CTTNBP2: variants seen among roughly 807,000 people sequenced by gnomAD.
The protein encoded by CTTNBP2 is cortactin-binding protein 2.
CTTNBP2 carries 108 observed loss-of-function variants against 156.9 expected under a neutral mutation model. That is an observed-to-expected ratio of 0.69 (90% confidence interval 0.59 to 0.81). The LOEUF is 0.81. CTTNBP2 is among the 30% of genes least tolerant of loss of function. The pLI, the probability that CTTNBP2 is intolerant of heterozygous loss-of-function variation, is 0.00. For missense variants in CTTNBP2, 1,924 were observed against 2,035.4 expected, an observed-to-expected ratio of 0.95 and a Z score of 1.05; for synonymous variants, 767 against 751.8, an observed-to-expected ratio of 1.02 and a Z score of -0.33.
At chr7:117,801,367 C>T (rs1236601342) in intron 3 of CTTNBP2, among the ~76,000 whole-genome samples, 3 of 152,148 alleles carry the variant, frequency 2.0e-5, no homozygotes, top group African/African-American at 2.4e-5. Flanking sequence ...AATTGAGTGA[C>T]GTTTTACAAA....
intron 2 of CTTNBP2, among the ~76,000 whole-genome samples, chr7:117,829,863 C>T (rs747473371): frequency 2.0e-5 from 3 of 152,174 alleles, no homozygotes; most frequent in Non-Finnish European, 4.4e-5. Flanking sequence ...TAGAAGAGCC[C>T]TCTAAAATAA....
intron 2 of CTTNBP2, among the ~76,000 whole-genome samples, chr7:117,833,629 G>A (rs976650437): frequency 3.3e-5 from 5 of 152,090 alleles, no homozygotes; most frequent in Admixed American, 3.3e-4. Flanking sequence ...ACTATATGTT[G>A]TACGTAGATC....
intron 1 of CTTNBP2, among the ~76,000 whole-genome samples, chr7:117,862,708 A>G (rs1041786815): frequency 6.6e-6 from 1 of 152,224 alleles, no homozygotes; most frequent in Non-Finnish European, 1.5e-5. Flanking sequence ...CGCCCTCAGA[A>G]GCCATTGTTC....
At position 117,864,725 on chromosome 7, in the gene CTTNBP2, C is replaced by CATATATTCATATATATTCATTCAAT. The variant is rs71150638; in HGVS notation, c.82-3434_82-3410dup. Among the ~76,000 whole-genome samples, 242 of 90,998 alleles carry CATATATTCATATATATTCATTCAAT rather than the reference C, an allele frequency of 2.7e-3. 27 individuals carry two copies. Among genetic ancestry groups the CATATATTCATATATATTCATTCAAT allele is most frequent in the Non-Finnish European group, 4.0e-3 (157 of 39,568 alleles). The allele number at this position is 90,998 out of a possible 152,430, so 59.7% of individuals were successfully genotyped here. On this transcript the variant is annotated intron_variant, in intron 1 of 22. Transcript: ENST00000160373. ...ATATATTCATATATATTCATATATA[C>CATATATTCATATATATTCATTCAAT]ATATATTCATATATATTCATTCAAT...
Position 117,792,088 on chromosome 7 carries a change from C to G in CTTNBP2, c.1108G>C (p.Val370Leu). 1 of 1,614,082 alleles carries G rather than the reference C, an allele frequency of 6.2e-7. No individual in the cohort carries two copies. Among genetic ancestry groups the G allele is most frequent in the East Asian group, 2.2e-5 (1 of 44,866 alleles). ...ASYGDLIGAS[V>L]PAFPPPSANK... ...GCACTTGGAGGTGGGAAAGCGGGTA[C>G]AGAAGCGCCAATCAAGTCACCATAG... The change falls in exon 4 of 23, where the codon GTA (valine) becomes CTA (leucine). Residue 370 changes from valine (V) to leucine (L), a missense_variant. Val to Leu is a conservative substitution (Grantham distance 32, BLOSUM62 1). Coordinates refer to ENST00000160373, the MANE Select transcript of CTTNBP2 (RefSeq NM_033427.3). The surrounding 1 kb of genome is among the most constrained non-coding windows in gnomAD (Gnocchi z 4.2).
chr7:117,739,741 C>T (rs1021897341), intron 14 of CTTNBP2, among the ~76,000 whole-genome samples: 10 of 152,168 alleles, frequency 6.6e-5, no homozygotes, highest in South Asian at 2.1e-4. Context: ...CCTTAAACCC[C>T]GGCTCTGGAG....
intron 3 of CTTNBP2, among the ~76,000 whole-genome samples, chr7:117,803,261 G>A (rs1440247715): frequency 1.3e-5 from 2 of 152,098 alleles, no homozygotes; most frequent in Admixed American, 1.3e-4. Flanking sequence ...TGCAGATGGA[G>A]GTCATTATTC....
intron 20 of CTTNBP2, 102 bp downstream of exon 20, chr7:117,720,965 A>G (rs1794756922): frequency 3.7e-6 from 3 of 812,464 alleles, no homozygotes; most frequent in Non-Finnish European, 6.4e-6. Context: ...CCATATTAAC[A>G]TAATAGTCAT....
At chr7:117,775,831 C>T (rs1049383180) in intron 8 of CTTNBP2, among the ~76,000 whole-genome samples, 1 of 152,150 alleles carries the variant, frequency 6.6e-6, no homozygotes, top group Non-Finnish European at 1.5e-5. Flanking sequence ...GCATTCCATT[C>T]AAATCATACA....
chr7:117,774,141 A>G (rs1797969234), intron 8 of CTTNBP2, among the ~76,000 whole-genome samples: 1 of 152,208 alleles, frequency 6.6e-6, no homozygotes, highest in South Asian at 2.1e-4. Context: ...TTAGTTCAGC[A>G]GCCTCTCTGG....
chr7:117,853,718 G>A (rs560819824), intron 2 of CTTNBP2, among the ~76,000 whole-genome samples: 55 of 152,198 alleles, frequency 3.6e-4, no homozygotes, highest in African/African-American at 9.2e-4. Flanking sequence ...GCACCAGAAC[G>A]GATCAAATGG....
chr7:117,715,386 C>T (rs1252874605), intron 22 of CTTNBP2, among the ~76,000 whole-genome samples: 1 of 150,754 alleles, frequency 6.6e-6, no homozygotes, highest in Non-Finnish European at 1.5e-5. Flanking sequence ...CAGTGGGTCT[C>T]AACCCTGGAT....
chr7:117,803,949 CTTTA>C (rs1036463027), intron 3 of CTTNBP2, among the ~76,000 whole-genome samples: 6 of 151,862 alleles, frequency 4.0e-5, no homozygotes, highest in East Asian at 1.9e-4. Context: ...AAAGCCTGGC[CTTTA>C]TTTATTTATT....
chr7:117,789,776 T>C (rs1798892117), intron 4 of CTTNBP2, among the ~76,000 whole-genome samples: 1 of 152,170 alleles, frequency 6.6e-6, no homozygotes, highest in African/African-American at 2.4e-5. Flanking sequence ...CCAATCCTCC[T>C]AACAGCCACC....
intron 22 of CTTNBP2, among the ~76,000 whole-genome samples, chr7:117,716,545 G>T (rs1794389892): frequency 6.6e-6 from 1 of 152,136 alleles, no homozygotes; most frequent in African/African-American, 2.4e-5. Context: ...AGGCTTTAAA[G>T]ATAGCAAAGG....
In CTTNBP2 at chr7:117,792,042, C is replaced by T. The variant is rs866299576; in HGVS notation, c.1154G>A (p.Gly385Glu). 1 of 1,613,958 alleles carries T rather than the reference C, an allele frequency of 6.2e-7. No individual in the cohort carries two copies. Among genetic ancestry groups the T allele is most frequent in the Non-Finnish European group, 8.5e-7 (1 of 1,180,006 alleles). Residue 385 changes from glycine (G) to glutamate (E), a missense_variant, in exon 4 of 23, where the codon GGA becomes GAA. Gly to Glu is a moderately conservative substitution (Grantham distance 98). Coordinates refer to ENST00000160373, the MANE Select transcript of CTTNBP2 (RefSeq NM_033427.3). This position sits in a 1 kb window ranked among gnomAD's most constrained non-coding sequence, Gnocchi z 4.2. ...ATCTGGTGTTGAGCCAGTGCTTGGTCCATTTTCCTCAATTTTGTTTGCACT... is the reference window on the plus strand; with the variant it reads ...ATCTGGTGTTGAGCCAGTGCTTGGTTCATTTTCCTCAATTTTGTTTGCACT... The part of the protein sequence containing the change: ...PPSANKIEEN[G>E]PSTGSTPDPT...
intron 2 of CTTNBP2, among the ~76,000 whole-genome samples, chr7:117,838,181 T>C (rs1296015401): frequency 1.3e-5 from 2 of 152,196 alleles, no homozygotes; most frequent in Admixed American, 1.3e-4. Flanking sequence ...AATATTTGAA[T>C]GCTTACCATA....
chr7:117,732,958 T>C (rs938851943), intron 16 of CTTNBP2, among the ~76,000 whole-genome samples: 2 of 152,218 alleles, frequency 1.3e-5, no homozygotes, highest in Non-Finnish European at 2.9e-5. Context: ...TTTTTTAAGC[T>C]ACAATTCTGA....
At chr7:117,723,291 G>T (rs1347457158) in intron 19 of CTTNBP2, among the ~76,000 whole-genome samples, 1 of 151,708 alleles carries the variant, frequency 6.6e-6, no homozygotes, top group Non-Finnish European at 1.5e-5. Flanking sequence ...TATATTGATA[G>T]GATTAAAAAA....
Sources: allele counts gnomAD v4.1 joint callset (sites outside exome capture counted in the v4.1 genomes callset), GRCh38; gene constraint gnomAD v4.1.1; non-coding constraint Gnocchi (gnomAD v3.1); transcripts MANE v1.5; gene names NCBI Gene and HGNC (gene_info 2026-07-23, HGNC 2026-07-21).